PABPC1: variants seen among roughly 807,000 people sequenced by gnomAD.
PABPC1 encodes the protein poly(A) binding protein cytoplasmic 1.
A neutral mutation model predicts 74.0 loss-of-function variants in PABPC1; 4 were observed. That is an observed-to-expected ratio of 0.05 (90% CI 0.03 to 0.12). PABPC1 has a LOEUF of 0.12. PABPC1 is among the 10% of genes least tolerant of loss of function. The pLI is 1.00. For missense variants in PABPC1, 271 were observed against 821.1 expected, an observed-to-expected ratio of 0.33 and a Z score of 8.19; for synonymous variants, 227 against 264.1, an observed-to-expected ratio of 0.86 and a Z score of 1.36.
At position 100,709,394 on chromosome 8, in the gene PABPC1, C is replaced by T; in HGVS notation, c.1245+65G>A. The T allele has an allele frequency of 2.5e-6, 4 of 1,589,672 alleles. No homozygotes were observed. The Admixed American group carries it at 5.1e-5, about 20-fold the overall frequency. Reference sequence around the variant, plus strand: ...TTTCACATTTGCGGGGCGAGGGGCACAAAAAACACTAGAAATGACCAAATA... The same window carrying T: ...TTTCACATTTGCGGGGCGAGGGGCATAAAAAACACTAGAAATGACCAAATA... On this transcript the variant is annotated intron_variant, in intron 8 of 14. Transcript: ENST00000318607.
intron 7 of PABPC1, among the ~76,000 whole-genome samples, chr8:100,710,977 A>G (rs1454429733): frequency 6.8e-6 from 1 of 147,658 alleles, no homozygotes; most frequent in African/African-American, 2.5e-5. Context: ...AATAAAACAA[A>G]TGTTCCCTTA....
At chr8:100,710,815 C>T (rs145447420) in intron 7 of PABPC1, among the ~76,000 whole-genome samples, 7,571 of 151,778 alleles carry the variant, frequency 0.05, 623 homozygotes, top group African/African-American at 0.17. Flanking sequence ...GGCGAAACCC[C>T]GTCTTTACTA....
At position 100,715,602 on chromosome 8, in the gene PABPC1, CTAA is replaced by C. The variant is rs1179851039; in HGVS notation, c.504-4_504-2del. 2.5e-6 allele frequency: 4 copies of C among 1,588,562 alleles called. No individual in the cohort carries two copies. In the African/African-American group the frequency reaches 4.1e-5, roughly 16 times the overall value. ...ACGAGACTTAAATCGTCCAACAAAT[CTAA>C]TAAGATATACAAGGACTATAACATT... is the stretch of plus-strand genomic sequence containing the variant. On this transcript the variant is annotated splice_acceptor_variant and splice_polypyrimidine_tract_variant and intron_variant, in intron 3 of 14. Transcript: ENST00000318607. LOFTEE classifies it high-confidence loss of function.
At chr8:100,705,211 A>C (rs1454665244) in intron 12 of PABPC1, among the ~76,000 whole-genome samples, 155 bp from the exon 13 acceptor site, 1 of 152,284 alleles carries the variant, frequency 6.6e-6, no homozygotes, top group Non-Finnish European at 1.5e-5. Flanking sequence ...ATGGGAAGAC[A>C]GAATAAAATC....
intron 6 of PABPC1, 31 bp from the exon 7 acceptor site, chr8:100,712,488 AG>A (rs770696868): frequency 3.9e-6 from 6 of 1,519,454 alleles, no homozygotes; most frequent in Non-Finnish European, 5.4e-6. Context: ...CTATAGAAAA[AG>A]AAAACCATGG....
intron 9 of PABPC1, among the ~76,000 whole-genome samples, 161 bp downstream of exon 9, chr8:100,708,972 C>T (rs1445134867): frequency 6.6e-6 from 1 of 152,182 alleles, no homozygotes; most frequent in Non-Finnish European, 1.5e-5. Context: ...GTAGACATTA[C>T]TATCTTAGCA....
rs1432639228 is a variant in PABPC1 at position 100,721,176 on chromosome 8, G to A, written c.193+215C>T. Reference sequence around the variant, plus strand: ...TGAGGCCGAGAAAATGGTCGCAAAGGAGGAAGTAGCCGGGCGTGTGGCTGC... The same window carrying A: ...TGAGGCCGAGAAAATGGTCGCAAAGAAGGAAGTAGCCGGGCGTGTGGCTGC... On this transcript the variant is annotated intron_variant, in intron 1 of 14. Coordinates refer to ENST00000318607, the MANE Select transcript of PABPC1 (RefSeq NM_002568.4). This position sits in a 1 kb window ranked among gnomAD's most constrained non-coding sequence, Gnocchi z 7.4. 1.3e-5 allele frequency among the ~76,000 whole-genome samples: 2 copies of A among 152,088 alleles called. No individual in the cohort carries two copies. Among genetic ancestry groups the A allele is most frequent in the African/African-American group, 2.4e-5 (1 of 41,436 alleles).
chr8:100,716,618 A>G (rs1810677083), intron 3 of PABPC1, among the ~76,000 whole-genome samples: 1 of 152,248 alleles, frequency 6.6e-6, no homozygotes, highest in Non-Finnish European at 1.5e-5. Flanking sequence ...CTATGCTATT[A>G]GTTTCATAAA....
intron 14 of PABPC1, among the ~76,000 whole-genome samples, chr8:100,703,861 C>A (rs899388721): frequency 2.0e-5 from 3 of 152,042 alleles, no homozygotes; most frequent in Admixed American, 6.6e-5. Flanking sequence ...ACCAGCCTGG[C>A]CAACATGGCA....
rs1810339734 is a variant in PABPC1 at position 100,704,829 on chromosome 8, T to C, written c.1818+97A>G. The C allele has an allele frequency of 6.5e-6, 8 of 1,222,750 alleles. No individual in the cohort carries two copies. In the South Asian group the frequency reaches 6.8e-5, roughly 10 times the overall value. 75.7% of individuals were successfully genotyped at this position (1,222,750 alleles called of 1,614,324 possible). A position where few individuals can be genotyped will look rare whatever the true frequency, so the allele number is the denominator to read the frequency against. ...AGACTTTACAACTGTACATGGCTTATATATAACACGATGTAAGTGTTCTGT... is the reference window on the plus strand; with the variant it reads ...AGACTTTACAACTGTACATGGCTTACATATAACACGATGTAAGTGTTCTGT... On this transcript the variant is annotated intron_variant, in intron 13 of 14. Coordinates refer to ENST00000318607, the MANE Select transcript of PABPC1 (RefSeq NM_002568.4).
chr8:100,711,867 G>A (rs558331556), intron 7 of PABPC1, among the ~76,000 whole-genome samples: 29 of 152,330 alleles, frequency 1.9e-4, no homozygotes, highest in African/African-American at 3.8e-4. Flanking sequence ...CTTGGCCCAC[G>A]GATGCTAGAC....
Position 100,705,019 on chromosome 8 carries a change from A to G in PABPC1, c.1725T>C (p.Pro575=). The change falls in exon 13 of 15, where the codon CCT becomes CCC. Residue 575 remains proline, a synonymous_variant. Transcript: ENST00000318607. ...TGCCAGTGATTTTACCAGCAAGAGT[A>G]GGGTGCATGGCTTGAATAAGAGGAA... ...RLFPLIQAMH[P]TLAGKITGML... 2 of 1,614,052 alleles carry G rather than the reference A, an allele frequency of 1.2e-6. No individual in the cohort carries two copies. Among genetic ancestry groups the G allele is most frequent in the East Asian group, 2.2e-5 (1 of 44,876 alleles).
At chr8:100,707,226 C>T (rs977802919) in intron 9 of PABPC1, 8 of 381,164 alleles carry the variant, frequency 2.1e-5, no homozygotes, top group African/African-American at 4.2e-5. Context: ...CCCACAGGGT[C>T]GGTGGGCTTC....
chr8:100,708,077 T>C (rs1563610464), intron 9 of PABPC1, among the ~76,000 whole-genome samples: 1 of 152,240 alleles, frequency 6.6e-6, no homozygotes, highest in Admixed American at 6.5e-5. Flanking sequence ...AAACTAATGA[T>C]TAATGATATT....
At chr8:100,709,989 T>C (rs1810485319) in intron 7 of PABPC1, 1 of 366,626 alleles carries the variant, frequency 2.7e-6, no homozygotes. Flanking sequence ...TTAAAGATTT[T>C]AGATACTGAA....
chr8:100,707,254 G>A (rs964752238), intron 9 of PABPC1: 2 of 319,678 alleles, frequency 6.3e-6, no homozygotes, highest in East Asian at 7.8e-5. Flanking sequence ...ATGCAGCGAC[G>A]AGAGAGTGCA....
In PABPC1 at chr8:100,721,369, G is replaced by A. The variant is rs376884068; in HGVS notation, c.193+22C>T. On this transcript the variant is annotated intron_variant, in intron 1 of 14. Transcript: ENST00000318607. The surrounding 1 kb of genome is among the most constrained non-coding windows in gnomAD (Gnocchi z 7.4). Reference sequence around the variant, plus strand: ...CTCATGGCCGCCCGCCCGCCCGGCCGACCGCGGAGCCCGGCGCTCACCGTC... The same window carrying A: ...CTCATGGCCGCCCGCCCGCCCGGCCAACCGCGGAGCCCGGCGCTCACCGTC... 3.5e-6 allele frequency: 5 copies of A among 1,417,168 alleles called. No homozygotes were observed. The highest frequency in any genetic ancestry group is 4.7e-6 in the Non-Finnish European group (5 of 1,071,606). 87.8% of individuals were successfully genotyped at this position (1,417,168 alleles called of 1,614,324 possible). A position where few individuals can be genotyped will look rare whatever the true frequency, so the allele number is the denominator to read the frequency against.
At chr8:100,708,343 C>A (rs939189649) in intron 9 of PABPC1, among the ~76,000 whole-genome samples, 24 of 152,094 alleles carry the variant, frequency 1.6e-4, no homozygotes, top group African/African-American at 5.6e-4. Flanking sequence ...GTAGTCCCAG[C>A]TACTTGGGAG....
Position 100,709,188 on chromosome 8 carries a change from T to G in PABPC1, c.1281A>C (p.Gln427His), listed in dbSNP as rs1303040247. 2.5e-6 allele frequency: 4 copies of G among 1,613,970 alleles called. No homozygotes were observed. The African/African-American group carries it at 4.0e-5, about 16-fold the overall frequency. Reference protein sequence around the residue: ...QNRAAYYPPSQIAQLRPSPRW... With the variant: ...QNRAAYYPPSHIAQLRPSPRW... ...GAGGACTTGGTCTTAGTTGAGCAAT[T>G]TGGCTAGGAGGATAGTATGCAGCAC... The change falls in exon 9 of 15, where the codon CAA (glutamine) becomes CAC (histidine). Residue 427 changes from glutamine to histidine, a missense_variant. Physicochemically the swap from Gln to His is conservative, Grantham distance 24. Transcript: ENST00000318607.
Sources: allele counts gnomAD v4.1 joint callset (sites outside exome capture counted in the v4.1 genomes callset), GRCh38; gene constraint gnomAD v4.1.1; non-coding constraint Gnocchi (gnomAD v3.1); transcripts MANE v1.5; gene names NCBI Gene and HGNC (gene_info 2026-07-23, HGNC 2026-07-21).